The following RSRC1 variants were observed in gnomAD, a reference collection of about 807,000 sequenced individuals.
RSRC1 encodes arginine and serine rich coiled-coil 1, also known as serine/Arginine-related protein 53.
In RSRC1, 39 loss-of-function variants were observed where a neutral mutation model predicts 49.1. That is an observed-to-expected ratio of 0.79 (90% CI 0.61 to 1.04). RSRC1 has a LOEUF of 1.04. Ranked by LOEUF, RSRC1 falls within the 50% of genes least tolerant of loss-of-function variation. The pLI is 0.00. For missense variants in RSRC1, 388 were observed against 402.4 expected, an observed-to-expected ratio of 0.96 and a Z score of 0.31; for synonymous variants, 143 against 130.8, an observed-to-expected ratio of 1.09 and a Z score of -0.63.
intron 8 of RSRC1, among the ~76,000 whole-genome samples, chr3:158,538,957 T>G (rs1166424002): frequency 6.6e-6 from 1 of 151,970 alleles, no homozygotes; most frequent in Non-Finnish European, 1.5e-5. Flanking sequence ...AAAATATCTA[T>G]ATCTGCAATA....
intron 1 of RSRC1, among the ~76,000 whole-genome samples, chr3:158,120,910 C>T (rs1199341633): frequency 2.5e-5 from 2 of 80,948 alleles, no homozygotes; most frequent in African/African-American, 1.3e-4. Flanking sequence ...AATAGTATTG[C>T]ATATGAGAAT....
intron 4 of RSRC1, among the ~76,000 whole-genome samples, chr3:158,234,614 T>C (rs1320795892): frequency 2.0e-5 from 3 of 152,040 alleles, no homozygotes; most frequent in Non-Finnish European, 2.9e-5. Context: ...TTAAAAAGGA[T>C]ATATAACTTA....
intron 7 of RSRC1, among the ~76,000 whole-genome samples, chr3:158,464,535 A>G (rs1010018344): frequency 6.6e-6 from 1 of 152,196 alleles, no homozygotes; most frequent in African/African-American, 2.4e-5. Context: ...AACATAATAA[A>G]AGGCAGTTTA....
intron 4 of RSRC1, among the ~76,000 whole-genome samples, chr3:158,218,513 A>G (rs1238534825): frequency 6.6e-6 from 1 of 151,692 alleles, no homozygotes; most frequent in Non-Finnish European, 1.5e-5. Flanking sequence ...AGCAAGGATT[A>G]CATTGGAAGA....
chr3:158,117,437 A>G (rs562254661), intron 1 of RSRC1, among the ~76,000 whole-genome samples: 150 of 152,208 alleles, frequency 9.9e-4, no homozygotes, highest in Admixed American at 6.9e-3. Context: ...AGCTGGGACT[A>G]CAGGTGTGCA....
intron 3 of RSRC1, among the ~76,000 whole-genome samples, chr3:158,185,666 A>C (rs538731139): frequency 6.6e-6 from 1 of 152,082 alleles, no homozygotes; most frequent in Non-Finnish European, 1.5e-5. Context: ...AAAGCCATAA[A>C]GTTTTAAATA....
rs536454581 is a variant in RSRC1 at position 158,212,403 on chromosome 3, C to A, written c.494+9158C>A. On this transcript the variant is annotated intron_variant, in intron 4 of 9. Transcript: ENST00000611884. ...AATCCTATGTAACTTTCACTTTTTT[C>A]TGTATTTTAAATGTTATCAATCATG... Among the ~76,000 whole-genome samples the A allele has an allele frequency of 2.4e-4, 36 of 151,576 alleles. 1 individual carries two copies. Among genetic ancestry groups the A allele is most frequent in the African/African-American group, 8.5e-4 (35 of 41,400 alleles).
chr3:158,423,875 T>C (rs1197218948), intron 6 of RSRC1, among the ~76,000 whole-genome samples: 1 of 151,400 alleles, frequency 6.6e-6, no homozygotes, highest in Non-Finnish European at 1.5e-5. Flanking sequence ...TGGCTCTCTG[T>C]CTGTTATTGG....
chr3:158,141,699 G>A (rs949273669), intron 3 of RSRC1, among the ~76,000 whole-genome samples: 4 of 152,132 alleles, frequency 2.6e-5, no homozygotes, highest in African/African-American at 9.7e-5. Context: ...GCTATTCAGT[G>A]TCTTCTTTGT....
At chr3:158,243,906 T>C (rs1043199188) in intron 4 of RSRC1, among the ~76,000 whole-genome samples, 1 of 152,094 alleles carries the variant, frequency 6.6e-6, no homozygotes, top group Non-Finnish European at 1.5e-5. Context: ...CCTGAGACTT[T>C]GCTGAAGTTT....
At chr3:158,470,528 A>G (rs116730730) in intron 7 of RSRC1, among the ~76,000 whole-genome samples, 2,339 of 152,190 alleles carry the variant, frequency 0.015, 78 homozygotes, top group African/African-American at 0.053. Context: ...GATTAATACA[A>G]CATATGTGAT....
rs528746760 is a variant in RSRC1, at chr3:158,243,628, C to T, written c.494+40383C>T. On this transcript the variant is annotated intron_variant, in intron 4 of 9. Transcript: ENST00000611884. ...GCAATAGCACTGAATCTATAAATTG[C>T]TTTGGGCAGTATGGCCATTTTAACA... Among the ~76,000 whole-genome samples the T allele has an allele frequency of 1.7e-3, 255 of 152,212 alleles. 3 individuals are homozygous for T. Among genetic ancestry groups the T allele is most frequent in the African/African-American group, 5.9e-3 (244 of 41,534 alleles).
intron 6 of RSRC1, among the ~76,000 whole-genome samples, chr3:158,381,638 G>A (rs1732702696): frequency 6.6e-6 from 1 of 152,114 alleles, no homozygotes; most frequent in South Asian, 2.1e-4. Flanking sequence ...TAGGCTATAT[G>A]GTATAGTCTG....
intron 5 of RSRC1, among the ~76,000 whole-genome samples, chr3:158,344,868 G>T (rs946303900): frequency 5.9e-5 from 9 of 152,122 alleles, no homozygotes; most frequent in Non-Finnish European, 1.3e-4. Context: ...AGAAGAAATG[G>T]TATAATGAAG....
intron 6 of RSRC1, among the ~76,000 whole-genome samples, chr3:158,355,925 A>G (rs1196320851): frequency 6.6e-6 from 1 of 151,804 alleles, no homozygotes; most frequent in East Asian, 1.9e-4. Flanking sequence ...ACATATACAC[A>G]CGCTATATTT....
At chr3:158,207,637 T>TTAGATAGATAGATAGATAGA (rs1553769118) in intron 4 of RSRC1, among the ~76,000 whole-genome samples, 11,442 of 146,972 alleles carry the variant, frequency 0.078, 549 homozygotes, top group South Asian at 0.11. Context: ...GTAACAGTAT[T>TTAGATAGATAGATAGATAGA]TAGATAGATA....
chr3:158,253,313 A>G (rs1095641), intron 4 of RSRC1, among the ~76,000 whole-genome samples: 72,345 of 151,718 alleles, frequency 0.48, 17,802 homozygotes, highest in East Asian at 0.64. Flanking sequence ...TTTTCTCCTT[A>G]ATTTCTTCAT....
intron 3 of RSRC1, among the ~76,000 whole-genome samples, chr3:158,128,110 G>C (rs899430310): frequency 2.0e-5 from 3 of 152,106 alleles, no homozygotes; most frequent in South Asian, 2.1e-4. Flanking sequence ...TTTTGCTTTT[G>C]TTGGCACCCA....
At chr3:158,272,525 A>C (rs1010984918) in intron 4 of RSRC1, among the ~76,000 whole-genome samples, 1 of 151,922 alleles carries the variant, frequency 6.6e-6, no homozygotes, top group Non-Finnish European at 1.5e-5. Flanking sequence ...TTTCTTTTGG[A>C]GTTTATTCTT....
Sources: gnomAD v4.1 joint callset for allele counts (sites outside exome capture counted in the v4.1 genomes callset) on GRCh38, gnomAD v4.1.1 for gene constraint, MANE v1.5 for transcripts, NCBI Gene and HGNC (gene_info 2026-07-23, HGNC 2026-07-21) for gene names.